Variants in CYP3A5 observed in about 807,000 individuals in gnomAD.
CYP3A5 encodes the protein cytochrome P450 family 3 subfamily A member 5, also known as cytochrome P450 3A5.
A neutral mutation model predicts 55.9 loss-of-function variants in CYP3A5; 51 were observed. The ratio of observed to expected loss-of-function variants is 0.91; its 90% CI spans 0.73 to 1.15. The LOEUF (loss-of-function observed/expected upper bound fraction) is 1.15. CYP3A5 is among the 50% of genes most tolerant of loss of function. The pLI, the probability that CYP3A5 is intolerant of heterozygous loss-of-function variation, is 0.00. For missense variants in CYP3A5, 533 were observed against 596.6 expected (o/e 0.89, Z 1.11); for synonymous variants, 196 against 213.9 (o/e 0.92, Z 0.73).
rs34318418 is a variant in CYP3A5, at chr7:99,660,214, C to CTTTTT, written c.1026+280_1026+284dup. 266 of 429,910 alleles carry CTTTTT rather than the reference C, an allele frequency of 6.2e-4. 20 individuals are homozygous for CTTTTT. In the East Asian group the frequency reaches 0.012, roughly 19 times the overall value. The allele number at this position is 429,910 out of a possible 1,614,324, so 26.6% of individuals were successfully genotyped here. A position where few individuals can be genotyped will look rare whatever the true frequency, so the allele number is the denominator to read the frequency against. ...GTTTGGCCATCTTCTCGCCACACTCCTTTTTTTTTTTTTTTTTTTTTTTTT... is the reference window on the plus strand; with the variant it reads ...GTTTGGCCATCTTCTCGCCACACTCCTTTTTTTTTTTTTTTTTTTTTTTTTTTTTT... On this transcript the variant is annotated intron_variant, in intron 10 of 12. Transcript: ENST00000222982.
chr7:99,648,315 C>G lies in CYP3A5; in HGVS notation c.1499G>C (p.Ser500Thr). ...LKVDSRDGTL[S>T]GE is the part of the protein sequence containing the mutation. ...AATCCTTAGAATAACTCATTCTCCACTTAGGGTTCCATCTCTTGAATCCAC... is the reference window on the plus strand; with the variant it reads ...AATCCTTAGAATAACTCATTCTCCAGTTAGGGTTCCATCTCTTGAATCCAC... The change falls in exon 13 of 13, where the codon AGT becomes ACT. Residue 500 changes from serine (S) to threonine (T), a missense_variant. By Grantham distance (58) the Ser-to-Thr change is moderately conservative. Coordinates refer to ENST00000222982, the MANE Select transcript of CYP3A5 (RefSeq NM_000777.5). 6.2e-7 allele frequency: 1 copy of G among 1,612,874 alleles called. No individual in the cohort carries two copies.
intron 4 of CYP3A5, 74 bp downstream of exon 4, chr7:99,672,506 T>C: frequency 5.4e-6 from 7 of 1,291,960 alleles, no homozygotes; most frequent in Non-Finnish European, 3.4e-6. Flanking sequence ...CTTCTGTGAA[T>C]ATATGTTTTT....
chr7:99,679,883 G>T lies in CYP3A5; in HGVS notation c.14C>A (p.Pro5Gln), dbSNP rs1264426886. 3 of 1,614,052 alleles carry T rather than the reference G, an allele frequency of 1.9e-6. No individual in the cohort carries two copies. MDLI[P>Q]NLAVETWLLL... ...AAGCCAGGTTTCCACCGCCAAATTTGGGATGAGGTCCATCGCCACTTTCCT... is the reference window on the plus strand; with the variant it reads ...AAGCCAGGTTTCCACCGCCAAATTTTGGATGAGGTCCATCGCCACTTTCCT... Residue 5 changes from proline to glutamine, a missense_variant, in exon 1 of 13, where the codon CCA (proline) becomes CAA (glutamine). Coordinates refer to ENST00000222982, the MANE Select transcript of CYP3A5 (RefSeq NM_000777.5).
Position 99,648,389 on chromosome 7 carries a change from T to C in CYP3A5, c.1425A>G (p.Lys475=). The change falls in exon 13 of 13, where the codon AAA becomes AAG. Residue 475 remains lysine (K), a synonymous_variant. Coordinates refer to ENST00000222982, the MANE Select transcript of CYP3A5 (RefSeq NM_000777.5). ...KPCKETQIPL[K]LDTQGLLQPE... ...GTTGAAGAAGTCCTTGCGTGTCTAATTTCAAGGGGATCTACAATAGTTAAA... is the reference window on the plus strand; with the variant it reads ...GTTGAAGAAGTCCTTGCGTGTCTAACTTCAAGGGGATCTACAATAGTTAAA... The C allele has an allele frequency of 6.2e-7, 1 of 1,612,226 alleles. No individual in the cohort carries two copies. Among genetic ancestry groups the C allele is most frequent in the Non-Finnish European group, 8.5e-7 (1 of 1,178,746 alleles).
chr7:99,672,053 T>G (rs1811704294), intron 4 of CYP3A5, among the ~76,000 whole-genome samples: 1 of 152,132 alleles, frequency 6.6e-6, no homozygotes, highest in Non-Finnish European at 1.5e-5. Flanking sequence ...TTGTTGTTGT[T>G]GTTGTTGTTG....
intron 10 of CYP3A5, among the ~76,000 whole-genome samples, chr7:99,656,506 T>C (rs1436077354): frequency 6.6e-6 from 1 of 152,164 alleles, no homozygotes; most frequent in Non-Finnish European, 1.5e-5. Flanking sequence ...AGGATTTTTG[T>C]ATCACTGTTC....
At chr7:99,672,026 T>G (rs1811697430) in intron 4 of CYP3A5, 1 of 569,470 alleles carries the variant, frequency 1.8e-6, no homozygotes, top group Non-Finnish European at 3.1e-6. Context: ...GCAAAAGTTA[T>G]TGCAGTTTGC....
chr7:99,674,267 T>G, intron 3 of CYP3A5: 1 of 335,690 alleles, frequency 3.0e-6, no homozygotes, highest in Non-Finnish European at 5.4e-6. Flanking sequence ...CTCAAAACAG[T>G]TATGAGATTC....
At chr7:99,667,150 T>G (rs758121646) in intron 4 of CYP3A5, 85 bp from the exon 5 acceptor site, 1 of 1,297,708 alleles carries the variant, frequency 7.7e-7, no homozygotes, top group Non-Finnish European at 1.1e-6. Context: ...GGCATCCTTA[T>G]TTAACAAATA....
chr7:99,662,875 A>C lies in CYP3A5; in HGVS notation c.806T>G (p.Leu269Arg), dbSNP rs1810586207. ...SRLNDKQKHR[L>R]DFLQLMIDSQ... is the part of the protein sequence containing the mutation. The stretch of plus-strand genomic sequence containing the variant: ...GTCAATCATCAGCTGAAGGAAATCT[A>C]GTCGGTGCTAGAAGCAAAAGGAGAG... Residue 269 changes from leucine to arginine, a missense_variant, in exon 9 of 13, where the codon CTA becomes CGA. Physicochemically the swap from Leu to Arg is moderately radical, Grantham distance 102. Coordinates refer to ENST00000222982, the MANE Select transcript of CYP3A5 (RefSeq NM_000777.5). The surrounding 1 kb of genome is among the most constrained non-coding windows in gnomAD (Gnocchi z 4.3). The C allele has an allele frequency of 1.9e-6, 3 of 1,613,742 alleles. No homozygotes were observed. Among genetic ancestry groups the C allele is most frequent in the Admixed American group, 1.7e-5 (1 of 60,000 alleles).
At chr7:99,648,664 G>GT (rs4646455) in intron 12 of CYP3A5, among the ~76,000 whole-genome samples, 5,751 of 141,244 alleles carry the variant, frequency 0.041, 300 homozygotes, top group African/African-American at 0.13. Flanking sequence ...GTGGACTCGT[G>GT]TTTTTTTTTT....
intron 1 of CYP3A5, among the ~76,000 whole-genome samples, chr7:99,678,356 T>G (rs1027948856): frequency 1.3e-5 from 2 of 152,252 alleles, no homozygotes; most frequent in African/African-American, 4.8e-5. Flanking sequence ...TCACTTCATA[T>G]GGATCCTACC....
chr7:99,676,318 C>T (rs780716545), intron 1 of CYP3A5, 110 bp from the exon 2 acceptor site: 17 of 1,570,646 alleles, frequency 1.1e-5, no homozygotes, highest in East Asian at 4.7e-5. Flanking sequence ...AATATGTACA[C>T]GATAAATAAT....
rs749601373 is a variant in CYP3A5, at chr7:99,652,590, T to C, written c.1216A>G (p.Lys406Glu). 5 of 1,613,874 alleles carry C rather than the reference T, an allele frequency of 3.1e-6. No homozygotes were observed. The South Asian group carries it at 3.3e-5, about 11-fold the overall frequency. ...AACTCCTCAGGCTCTGTCCAGTACT[T>C]TGGGTCATGGTGAAGAGCATAAGTT... is the stretch of plus-strand genomic sequence containing the variant. ...IPTYALHHDPKYWTEPEEFRP... is the reference protein window; with the variant it reads ...IPTYALHHDPEYWTEPEEFRP... The change falls in exon 11 of 13, where the codon AAG becomes GAG. Residue 406 changes from lysine to glutamate, a missense_variant. Lys to Glu is a moderately conservative substitution (Grantham distance 56, BLOSUM62 1). Transcript: ENST00000222982.
At chr7:99,666,472 T>G (rs1811031435) in intron 6 of CYP3A5, 129 bp downstream of exon 6, 3 of 1,003,304 alleles carry the variant, frequency 3.0e-6, no homozygotes, top group Non-Finnish European at 4.6e-6. Flanking sequence ...GGTGGCTCTT[T>G]GGAGTTGCAG....
chr7:99,670,900 T>C lies in CYP3A5; in HGVS notation c.318+1680A>G, dbSNP rs1811542099. 2.0e-5 allele frequency: 3 copies of C among 152,200 alleles called. No individual in the cohort carries two copies. In the South Asian group the frequency reaches 6.2e-4, roughly 32 times the overall value. 9.4% of individuals were successfully genotyped at this position (152,200 alleles called of 1,614,324 possible). ...AATGTCAAGTACCCCACTAGTTTTA[T>C]GTTGTTCTCTTTTCTTTTATAATAA... On this transcript the variant is annotated intron_variant, in intron 4 of 12. Coordinates refer to ENST00000222982, the MANE Select transcript of CYP3A5 (RefSeq NM_000777.5).
chr7:99,676,094 G>T (rs1339147230), intron 2 of CYP3A5, 21 bp downstream of exon 2: 2 of 1,605,898 alleles, frequency 1.2e-6, no homozygotes, highest in South Asian at 1.1e-5. Flanking sequence ...AGAAGCAAAA[G>T]AGGAAGCTCA....
intron 7 of CYP3A5, 25 bp downstream of exon 7, chr7:99,665,137 AAGAG>A (rs1810869505): frequency 2.0e-6 from 3 of 1,536,366 alleles, no homozygotes; most frequent in Admixed American, 1.9e-5. Flanking sequence ...TATTTTTAAA[AAGAG>A]AGAAAGAAAT....
intron 10 of CYP3A5, 90 bp downstream of exon 10, chr7:99,660,409 T>C: frequency 6.7e-7 from 1 of 1,491,492 alleles, no homozygotes; most frequent in Non-Finnish European, 8.9e-7. Context: ...GTGATTATGC[T>C]TTTTATAAAA....
Sources: gnomAD v4.1 joint callset for allele counts (sites outside exome capture counted in the v4.1 genomes callset) on GRCh38, gnomAD v4.1.1 for gene constraint, Gnocchi (gnomAD v3.1) non-coding constraint, MANE v1.5 for transcripts, NCBI Gene and HGNC (gene_info 2026-07-23, HGNC 2026-07-21) for gene names.